Variants in MYO5A observed in about 807,000 individuals in gnomAD.
MYO5A encodes myosin VA, also known as unconventional myosin-Va.
In MYO5A, 98 loss-of-function variants were observed where a neutral mutation model predicts 249.7. That is an observed-to-expected ratio of 0.39 (90% CI 0.33 to 0.46). The LOEUF (loss-of-function observed/expected upper bound fraction) is 0.46, where lower values mean the gene tolerates loss of function less well. Ranked by LOEUF, MYO5A falls within the 20% of genes least tolerant of loss-of-function variation. The probability of loss-of-function intolerance (pLI) is 0.98; values close to 1 mark genes in which losing one functional copy is unlikely to be tolerated. For missense variants in MYO5A, 1,696 were observed against 2,308.8 expected, an observed-to-expected ratio of 0.73 and a Z score of 5.44; for synonymous variants, 778 against 810.6, an observed-to-expected ratio of 0.96 and a Z score of 0.68.
At chr15:52,445,785 C>A in intron 1 of MYO5A, among the ~76,000 whole-genome samples, 1 of 152,276 alleles carries the variant, frequency 6.6e-6, no homozygotes, top group South Asian at 2.1e-4. Context: ...GGCCCCCGCC[C>A]TAGGGGATCT....
At chr15:52,380,681 C>T (rs1036339526) in intron 16 of MYO5A, among the ~76,000 whole-genome samples, 5 of 152,104 alleles carry the variant, frequency 3.3e-5, no homozygotes, top group Non-Finnish European at 7.4e-5. Context: ...GCAGGAGAAT[C>T]GCTTGAACCC....
chr15:52,375,609 A>G (rs1315519744), intron 19 of MYO5A, 149 bp from the exon 20 acceptor site: 1 of 894,376 alleles, frequency 1.1e-6, no homozygotes, highest in Non-Finnish European at 1.7e-6. Flanking sequence ...GTCAACATTT[A>G]TATTTACTTA....
intron 5 of MYO5A, among the ~76,000 whole-genome samples, chr15:52,412,950 C>T (rs1389026316): frequency 6.6e-6 from 1 of 151,916 alleles, no homozygotes; most frequent in Non-Finnish European, 1.5e-5. Context: ...GAGTTCAAGA[C>T]CAGCCTGACC....
chr15:52,415,564 A>G (rs1389776696), intron 5 of MYO5A, among the ~76,000 whole-genome samples: 2 of 151,932 alleles, frequency 1.3e-5, no homozygotes, highest in Non-Finnish European at 2.9e-5. Context: ...TGTGCTTGAC[A>G]GAACAACAAC....
chr15:52,369,100 T>C (rs542328095), intron 22 of MYO5A, among the ~76,000 whole-genome samples: 1 of 152,208 alleles, frequency 6.6e-6, no homozygotes, highest in African/African-American at 2.4e-5. Flanking sequence ...TTTCTATATA[T>C]AGAGTACAGA....
chr15:52,387,609 G>T, intron 14 of MYO5A: 1 of 504,026 alleles, frequency 2.0e-6, no homozygotes, highest in Non-Finnish European at 3.6e-6. Context: ...TGTCTCAGGT[G>T]CCTCATCCAT....
rs928323930 is a variant in MYO5A at position 52,428,712 on chromosome 15, A to G, written c.139-143T>C. 54 of 848,346 alleles carry G rather than the reference A, an allele frequency of 6.4e-5. 1 individual carries two copies. In the African/African-American group the frequency reaches 8.5e-4, roughly 13 times the overall value. 52.6% of individuals were successfully genotyped at this position (848,346 alleles called of 1,614,324 possible). A position where few individuals can be genotyped will look rare whatever the true frequency, so the allele number is the denominator to read the frequency against. ...TTCCTAGCACCTTCCAATATCACAG[A>G]AACTGGTGGAGATGGAAACAATATG... On this transcript the variant is annotated intron_variant, in intron 2 of 41. Transcript: ENST00000399233.
intron 1 of MYO5A, among the ~76,000 whole-genome samples, chr15:52,442,231 A>G (rs1454391489): frequency 6.6e-6 from 1 of 152,088 alleles, no homozygotes; most frequent in African/African-American, 2.4e-5. Flanking sequence ...CCTTCCTCAG[A>G]AGGAAAAGAA....
rs779580905 is a variant in MYO5A, at chr15:52,343,098, T to C, written c.4040+19A>G. On this transcript the variant is annotated intron_variant, in intron 31 of 41. Transcript: ENST00000399233. Reference sequence around the variant, plus strand: ...AACAACAAATTAATAACATTCCATTTTGAGGAGACAAATATAACCTGTTGG... The same window carrying C: ...AACAACAAATTAATAACATTCCATTCTGAGGAGACAAATATAACCTGTTGG... 3.6e-5 allele frequency: 58 copies of C among 1,593,402 alleles called. No homozygotes were observed. The South Asian group carries it at 6.2e-4, about 17-fold the overall frequency.
At chr15:52,374,318 A>G (rs1402981272) in intron 20 of MYO5A, among the ~76,000 whole-genome samples, 1 of 152,202 alleles carries the variant, frequency 6.6e-6, no homozygotes, top group African/African-American at 2.4e-5. Context: ...CCTCTTCACC[A>G]TGGTAAATTC....
At chr15:52,492,480 A>C (rs1273236744) in intron 1 of MYO5A, among the ~76,000 whole-genome samples, 1 of 152,188 alleles carries the variant, frequency 6.6e-6, no homozygotes, top group East Asian at 1.9e-4. Context: ...ACATAGGCAA[A>C]CTCTGTATAG....
In MYO5A at chr15:52,376,493, T is replaced by C. The variant is rs1178686038; in HGVS notation, c.2274A>G (p.Leu758=). Residue 758 remains leucine, a synonymous_variant, in exon 19 of 42, where the codon CTA becomes CTG. Transcript: ENST00000399233. The part of the protein sequence containing the change: ...IFFRAGQVAY[L]EKLRADKLRA... ...TCAGTTTGTCAGCTCTCAATTTTTC[T>C]AGATAGGCCACTTGACCGGCACGGA... 8 of 1,614,074 alleles carry C rather than the reference T, an allele frequency of 5.0e-6. No individual in the cohort carries two copies. The South Asian group carries it at 5.5e-5, about 11-fold the overall frequency.
intron 1 of MYO5A, among the ~76,000 whole-genome samples, chr15:52,490,476 C>T (rs745662161): frequency 2.6e-5 from 4 of 152,114 alleles, no homozygotes; most frequent in Admixed American, 6.5e-5. Flanking sequence ...AAAGATGTCA[C>T]GACATGGATG....
Position 52,367,022 on chromosome 15 carries a change from A to G in MYO5A, c.3160+9T>C. On this transcript the variant is annotated intron_variant, in intron 23 of 41. Transcript: ENST00000399233. ...GTTGGTTGGCGTGTAGTACGCATAT[A>G]AGCTTTACCTGTCATCTCCTTAGCC... The G allele has an allele frequency of 6.2e-7, 1 of 1,612,698 alleles. No individual in the cohort carries two copies. Among genetic ancestry groups the G allele is most frequent in the East Asian group, 2.2e-5 (1 of 44,854 alleles).
intron 33 of MYO5A, 23 bp from the exon 34 acceptor site, chr15:52,336,579 T>C (rs771397916): frequency 2.2e-5 from 34 of 1,548,132 alleles, no homozygotes; most frequent in Non-Finnish European, 2.7e-5. Flanking sequence ...AAGAGAAATA[T>C]ATTAGAAAAA....
In MYO5A at chr15:52,313,342, T is replaced by G. The variant is rs1340561810; in HGVS notation, c.*354A>C. ...AACAGCTCATCTATGGAAGTTATAC[T>G]TTTTATACCATTCAAACTCAGTGCT... On this transcript the variant is annotated 3_prime_UTR_variant, in exon 42 of 42. Coordinates refer to ENST00000399233, the MANE Select transcript of MYO5A (RefSeq NM_001382347.1). 3.2e-6 allele frequency: 1 copy of G among 310,306 alleles called. No individual in the cohort carries two copies. Among genetic ancestry groups the G allele is most frequent in the Non-Finnish European group, 6.2e-6 (1 of 160,538 alleles). The allele number at this position is 310,306 out of a possible 1,614,324, so 19.2% of individuals were successfully genotyped here.
chr15:52,371,713 TAAA>T (rs2141090265), intron 21 of MYO5A, among the ~76,000 whole-genome samples: 1 of 151,820 alleles, frequency 6.6e-6, no homozygotes, highest in South Asian at 2.1e-4. Flanking sequence ...TTCTACAAAA[TAAA>T]AAAATTAGCT....
At chr15:52,355,117 A>T (rs2040152272) in intron 25 of MYO5A, among the ~76,000 whole-genome samples, 1 of 152,218 alleles carries the variant, frequency 6.6e-6, no homozygotes, top group Non-Finnish European at 1.5e-5. Context: ...ATTGTTTACA[A>T]TGGGCAGATT....
intron 37 of MYO5A, among the ~76,000 whole-genome samples, chr15:52,322,588 C>T (rs534918918): frequency 1.3e-5 from 2 of 152,336 alleles, no homozygotes; most frequent in Admixed American, 1.3e-4. Context: ...TCATAAATAA[C>T]ACCATATACA....
Sources: allele counts gnomAD v4.1 joint callset (sites outside exome capture counted in the v4.1 genomes callset), GRCh38; gene constraint gnomAD v4.1.1; transcripts MANE v1.5; gene names NCBI Gene and HGNC (gene_info 2026-07-23, HGNC 2026-07-21).